Variants in REDIC1 observed in about 807,000 individuals in gnomAD.
REDIC1 encodes the protein regulator of DNA class I crossover intermediates 1, also known as HEI10 Interacting Protein 1.
the REDIC1 span, among the ~76,000 whole-genome samples, chr12:39,733,400 A>G: frequency 6.6e-6 from 1 of 151,952 alleles, no homozygotes; most frequent in Non-Finnish European, 1.5e-5. Flanking sequence ...ATCTTTAGGC[A>G]CTTCTATTAT....
At chr12:39,711,736 T>C in the REDIC1 span, among the ~76,000 whole-genome samples, 2 of 121,744 alleles carry the variant, frequency 1.6e-5, no homozygotes, top group African/African-American at 5.7e-5. Context: ...TGCATGTGTG[T>C]ATGTGTGTAT....
the REDIC1 span, among the ~76,000 whole-genome samples, chr12:39,681,817 A>T: frequency 2.0e-5 from 3 of 152,194 alleles, no homozygotes; most frequent in Admixed American, 1.3e-4. Flanking sequence ...AATAATTTAA[A>T]AATAGTTATT....
At chr12:39,726,992 C>T in the REDIC1 span, among the ~76,000 whole-genome samples, 20 of 152,086 alleles carry the variant, frequency 1.3e-4, no homozygotes, top group Non-Finnish European at 2.4e-4. Flanking sequence ...ATATCCTTTG[C>T]CCACTTTTTG....
At chr12:39,764,483 G>A in the REDIC1 span, 1 of 1,601,986 alleles carries the variant, frequency 6.2e-7, no homozygotes, top group Non-Finnish European at 8.5e-7. Flanking sequence ...ATACTCTGCT[G>A]TGTGTAAAAA....
At chr12:39,866,628 C>T in the REDIC1 span, among the ~76,000 whole-genome samples, 4 of 151,980 alleles carry the variant, frequency 2.6e-5, no homozygotes, top group Admixed American at 2.6e-4. Flanking sequence ...TACAGGCGCC[C>T]GCCACCTCGC....
At chr12:39,857,682 T>C in the REDIC1 span, among the ~76,000 whole-genome samples, 1 of 152,232 alleles carries the variant, frequency 6.6e-6, no homozygotes, top group Non-Finnish European at 1.5e-5. Context: ...CTCAGTATTC[T>C]AAGATAATGT....
chr12:39,848,981 T>G, the REDIC1 span, among the ~76,000 whole-genome samples: 1 of 151,946 alleles, frequency 6.6e-6, no homozygotes, highest in Non-Finnish European at 1.5e-5. Flanking sequence ...TAAGAACTTA[T>G]GAACACAAAG....
the REDIC1 span, among the ~76,000 whole-genome samples, chr12:39,762,797 G>A: frequency 2.0e-5 from 3 of 152,088 alleles, no homozygotes; most frequent in African/African-American, 7.2e-5. Context: ...CTAGAGAGTA[G>A]TAGACCAAAT....
the REDIC1 span, among the ~76,000 whole-genome samples, chr12:39,864,449 T>C: frequency 6.6e-6 from 1 of 152,232 alleles, no homozygotes; most frequent in African/African-American, 2.4e-5. Flanking sequence ...CTGAATTGTA[T>C]ATGATCTAAA....
the REDIC1 span, among the ~76,000 whole-genome samples, chr12:39,782,556 G>C: frequency 6.6e-6 from 1 of 152,080 alleles, no homozygotes; most frequent in African/African-American, 2.4e-5. Context: ...CCAGTTTTGG[G>C]TATGTCTTTA....
the REDIC1 span, among the ~76,000 whole-genome samples, chr12:39,796,477 A>G: frequency 6.6e-6 from 1 of 151,728 alleles, no homozygotes; most frequent in Admixed American, 6.6e-5. Context: ...GAGGTATAAG[A>G]CTTCTAGGCC....
At chr12:39,749,178 CTAAT>C in the REDIC1 span, among the ~76,000 whole-genome samples, 1 of 151,886 alleles carries the variant, frequency 6.6e-6, no homozygotes, top group Non-Finnish European at 1.5e-5. Context: ...ACTAGCAAGA[CTAAT>C]AAAGAAGAAA....
At chr12:39,818,084 C>T in the REDIC1 span, among the ~76,000 whole-genome samples, 1 of 152,220 alleles carries the variant, frequency 6.6e-6, no homozygotes, top group African/African-American at 2.4e-5. Context: ...CATTCTTACA[C>T]TGCCAGAGAG....
At chr12:39,785,659 C>G in the REDIC1 span, among the ~76,000 whole-genome samples, 2 of 152,096 alleles carry the variant, frequency 1.3e-5, no homozygotes, top group East Asian at 3.9e-4. Flanking sequence ...CCTGGAAAAG[C>G]CACAGACACT....
chr12:39,708,235 A>G, the REDIC1 span, among the ~76,000 whole-genome samples: 2 of 151,856 alleles, frequency 1.3e-5, no homozygotes, highest in Non-Finnish European at 2.9e-5. Flanking sequence ...TGTGATTATT[A>G]TACATTGTAT....
At chr12:39,683,508 G>A in the REDIC1 span, 1 of 1,508,294 alleles carries the variant, frequency 6.6e-7, no homozygotes, top group East Asian at 2.3e-5. Flanking sequence ...TAAATCTGGG[G>A]AATACAAATC....
the REDIC1 span, among the ~76,000 whole-genome samples, chr12:39,782,299 C>T: frequency 0.011 from 1,646 of 152,206 alleles, 25 homozygotes; most frequent in African/African-American, 0.036. Context: ...AGAATTCCTA[C>T]GTGTTGTGGA....
the REDIC1 span, among the ~76,000 whole-genome samples, chr12:39,762,228 A>C: frequency 2.0e-5 from 3 of 152,036 alleles, no homozygotes; most frequent in Non-Finnish European, 2.9e-5. Context: ...ATCAGTCACT[A>C]TCTCAGTTTC....
At chr12:39,711,613 GTA>G in the REDIC1 span, among the ~76,000 whole-genome samples, 3 of 97,670 alleles carry the variant, frequency 3.1e-5, no homozygotes, top group Non-Finnish European at 7.0e-5. Context: ...ACATGCATGT[GTA>G]TGTGTATACA....
Sources: gnomAD v4.1 joint callset for allele counts (sites outside exome capture counted in the v4.1 genomes callset) on GRCh38, gnomAD v4.1.1 for gene constraint, MANE v1.5 for transcripts, NCBI Gene and HGNC (gene_info 2026-07-23, HGNC 2026-07-21) for gene names.